Variants in ZNF879 observed in about 807,000 individuals in gnomAD.
The protein encoded by ZNF879 is zinc finger protein 879.
A neutral mutation model predicts 44.3 loss-of-function variants in ZNF879; 32 were observed. The observed-to-expected ratio is 0.72, with a 90% CI of 0.54 to 0.97. ZNF879 has a LOEUF of 0.97. ZNF879 is among the 50% of genes least tolerant of loss of function. ZNF879 has a pLI of 0.00. For synonymous variants in ZNF879, 234 were observed against 233.2 expected, an observed-to-expected ratio of 1.00 and a Z score of -0.03; for missense variants, 621 against 669.7, an observed-to-expected ratio of 0.93 and a Z score of 0.80.
rs1761476845 is a variant in ZNF879, at chr5:179,033,030, G to A, written c.1082G>A (p.Arg361Lys). ...TTCACTTCAATATCGCGGCTAAGTA[G>A]GCACCATCGAATTCATACTGGAGAG... ...KAFTSISRLS[R>K]HHRIHTGEKP... Residue 361 changes from arginine to lysine, a missense_variant, in exon 5 of 5, where the codon AGG (arginine) becomes AAG (lysine). Coordinates refer to ENST00000444149, the MANE Select transcript of ZNF879 (RefSeq NM_001136116.3). 6.4e-7 allele frequency: 1 copy of A among 1,557,504 alleles called. No individual in the cohort carries two copies. Among genetic ancestry groups the A allele is most frequent in the Non-Finnish European group, 8.7e-7 (1 of 1,150,712 alleles).
In ZNF879 at chr5:179,027,494, G is replaced by A; in HGVS notation, c.55G>A (p.Val19Met). The A allele has an allele frequency of 4.3e-6, 7 of 1,614,178 alleles. No individual in the cohort carries two copies. Among genetic ancestry groups the A allele is most frequent in the Non-Finnish European group, 5.9e-6 (7 of 1,180,028 alleles). ...HVQESVTFRD[V>M]AVFFSQDEWL... ...CCAGGAGTCCGTGACGTTCAGGGAT[G>A]TGGCCGTGTTCTTCAGCCAGGACGA... Residue 19 changes from valine to methionine, a missense_variant, in exon 3 of 5, where the codon GTG becomes ATG. Transcript: ENST00000444149.
intron 2 of ZNF879, 118 bp downstream of exon 2, chr5:179,025,155 T>C (rs1761228650): frequency 2.6e-6 from 3 of 1,133,600 alleles, no homozygotes; most frequent in Non-Finnish European, 3.8e-6. Context: ...GAGGGCTTGG[T>C]AGCTGAGAAA....
At chr5:179,026,156 C>G (rs998551810) in intron 2 of ZNF879, among the ~76,000 whole-genome samples, 6 of 151,150 alleles carry the variant, frequency 4.0e-5, no homozygotes, top group African/African-American at 1.5e-4. Context: ...CTTTGTGATT[C>G]TGTACAGGAT....
intron 4 of ZNF879, among the ~76,000 whole-genome samples, chr5:179,028,568 A>G (rs1170060229): frequency 6.6e-6 from 1 of 152,086 alleles, no homozygotes; most frequent in Non-Finnish European, 1.5e-5. Flanking sequence ...CATGGTTCAA[A>G]AGGGGGAAAA....
intron 4 of ZNF879, among the ~76,000 whole-genome samples, chr5:179,030,145 C>T (rs1018214643): frequency 1.3e-5 from 2 of 152,106 alleles, no homozygotes; most frequent in Non-Finnish European, 2.9e-5. Context: ...AATGAAATTC[C>T]AACGAAGCAC....
Position 179,033,323 on chromosome 5 carries a change from A to G in ZNF879, c.1375A>G (p.Lys459Glu), listed in dbSNP as rs1479428566. 7.0e-6 allele frequency: 11 copies of G among 1,572,104 alleles called. No homozygotes were observed. Among genetic ancestry groups the G allele is most frequent in the East Asian group, 4.7e-5 (2 of 42,140 alleles). ...CACTGGAGAGAAACCATATAATTGT[A>G]AGGAATGTGGAAAAGCCTTCAGTTC... ...IHTGEKPYNCKECGKAFSSHS... is the reference protein window; with the variant it reads ...IHTGEKPYNCEECGKAFSSHS... Residue 459 changes from lysine (K) to glutamate (E), a missense_variant, in exon 5 of 5, where the codon AAG becomes GAG. Coordinates refer to ENST00000444149, the MANE Select transcript of ZNF879 (RefSeq NM_001136116.3).
In ZNF879 at chr5:179,033,423, C is replaced by G. The variant is rs1385069390; in HGVS notation, c.1475C>G (p.Ala492Gly). The change falls in exon 5 of 5, where the codon GCC becomes GGC. Residue 492 changes from alanine (A) to glycine (G), a missense_variant. By Grantham distance (60) the Ala-to-Gly change is moderately conservative (BLOSUM62 0). Transcript: ENST00000444149. ...KPYKCNDCEK[A>G]FNQSSALIQH... ...TATAAATGTAATGACTGTGAGAAAG[C>G]CTTCAACCAAAGCTCAGCTCTAATT... 6.4e-7 allele frequency: 1 copy of G among 1,561,394 alleles called. No individual in the cohort carries two copies. The highest frequency in any genetic ancestry group is 8.7e-7 in the Non-Finnish European group (1 of 1,152,860).
chr5:179,034,117 TTAA>T lies in ZNF879; in HGVS notation c.*482_*484del, dbSNP rs1761517991. 3 of 152,914 alleles carry T rather than the reference TTAA, an allele frequency of 2.0e-5. No individual in the cohort carries two copies. In the South Asian group the frequency reaches 6.2e-4, roughly 31 times the overall value. The allele number at this position is 152,914 out of a possible 1,614,324, so 9.5% of individuals were successfully genotyped here. ...TACCTCACTGTCACTAAAATGTTTT[TTAA>T]TAATCTTAAAGCAGATTCTGCACTT... On this transcript the variant is annotated 3_prime_UTR_variant, in exon 5 of 5. Transcript: ENST00000444149.
chr5:179,025,048 G>A lies in ZNF879; in HGVS notation c.33+11G>A, dbSNP rs1263692003. ...CCAGCCCATGTACAGGTGAGTGAAG[G>A]CTTCTTTTTGCTTGAACTGCCTTCA... On this transcript the variant is annotated intron_variant, in intron 2 of 4. Transcript: ENST00000444149. 3 of 1,551,350 alleles carry A rather than the reference G, an allele frequency of 1.9e-6. No individual in the cohort carries two copies. In the Admixed American group the frequency reaches 5.9e-5, roughly 30 times the overall value.
In ZNF879 at chr5:179,032,655, A is replaced by G. The variant is rs1375522788; in HGVS notation, c.707A>G (p.Glu236Gly). ...GGAGAGAAGCTCTATAAATGTAAGG[A>G]ATGTAGGAAAGCCTTCAGCCAAAGC... ...HTGEKLYKCK[E>G]CRKAFSQSSS... The change falls in exon 5 of 5, where the codon GAA becomes GGA. Residue 236 changes from glutamate to glycine, a missense_variant. Transcript: ENST00000444149. 3 of 1,569,050 alleles carry G rather than the reference A, an allele frequency of 1.9e-6. No individual in the cohort carries two copies. In the East Asian group the frequency reaches 7.1e-5, roughly 37 times the overall value.
intron 4 of ZNF879, among the ~76,000 whole-genome samples, chr5:179,031,818 G>A (rs1051049731): frequency 6.6e-5 from 10 of 152,180 alleles, no homozygotes; most frequent in Admixed American, 3.9e-4. Flanking sequence ...TGTGTTTGGC[G>A]GAGCTCTTCT....
At chr5:179,028,465 A>G (rs1210638437) in intron 4 of ZNF879, among the ~76,000 whole-genome samples, 2 of 150,970 alleles carry the variant, frequency 1.3e-5, no homozygotes, top group Non-Finnish European at 1.5e-5. Flanking sequence ...TGAACATTAC[A>G]TTGTTTTTTT....
intron 3 of ZNF879, 143 bp from the exon 4 acceptor site, chr5:179,027,889 C>T: frequency 1.3e-6 from 1 of 766,228 alleles, no homozygotes; most frequent in Non-Finnish European, 2.1e-6. Flanking sequence ...GGGACCATCT[C>T]CTGGTTGTCC....
At chr5:179,028,794 C>T (rs548198752) in intron 4 of ZNF879, among the ~76,000 whole-genome samples, 1 of 152,270 alleles carries the variant, frequency 6.6e-6, no homozygotes, top group East Asian at 1.9e-4. Flanking sequence ...TATCAGCTTC[C>T]GCATTCATTC....
At chr5:179,026,609 A>C (rs762384231) in intron 2 of ZNF879, among the ~76,000 whole-genome samples, 1 of 152,216 alleles carries the variant, frequency 6.6e-6, no homozygotes, top group South Asian at 2.1e-4. Context: ...CAGCCTTCTG[A>C]ATAACCGGGA....
chr5:179,027,771 G>T (rs1761310624), intron 3 of ZNF879, among the ~76,000 whole-genome samples, 172 bp downstream of exon 3: 1 of 152,158 alleles, frequency 6.6e-6, no homozygotes. Context: ...TGATGAAGGG[G>T]TCTTTTCTCT....
Position 179,033,336 on chromosome 5 carries a change from A to G in ZNF879, c.1388A>G (p.Lys463Arg), listed in dbSNP as rs1561738281. 1.3e-6 allele frequency: 2 copies of G among 1,569,932 alleles called. No individual in the cohort carries two copies. The highest frequency in any genetic ancestry group is 1.2e-5 in the South Asian group (1 of 86,026). ...CCATATAATTGTAAGGAATGTGGAA[A>G]AGCCTTCAGTTCCCACTCAGGCGTT... ...EKPYNCKECG[K>R]AFSSHSGVNT... Residue 463 changes from lysine to arginine, a missense_variant, in exon 5 of 5, where the codon AAA becomes AGA. Transcript: ENST00000444149.
At chr5:179,027,403 C>T (rs1443711716) in intron 2 of ZNF879, 70 bp from the exon 3 acceptor site, 1 of 1,584,052 alleles carries the variant, frequency 6.3e-7, no homozygotes, top group African/African-American at 1.3e-5. Context: ...TAAGTTGTGA[C>T]AGGGTTGCTT....
At position 179,033,616 on chromosome 5, in the gene ZNF879, T is replaced by C; in HGVS notation, c.1668T>C (p.Thr556=). The C allele has an allele frequency of 6.6e-7, 1 of 1,525,838 alleles. No individual in the cohort carries two copies. The highest frequency in any genetic ancestry group is 8.8e-7 in the Non-Finnish European group (1 of 1,137,916). 94.5% of individuals were successfully genotyped at this position (1,525,838 alleles called of 1,614,324 possible). Residue 556 remains threonine, a synonymous_variant, in exon 5 of 5, where the codon ACT becomes ACC. Coordinates refer to ENST00000444149, the MANE Select transcript of ZNF879 (RefSeq NM_001136116.3). ...CTTTTAGTCAGAGCTCATCTCTTAC[T>C]AATCATCAAAGGACTCATAATTGAG... is the stretch of plus-strand genomic sequence containing the variant. The part of the protein sequence containing the change: ...GKAFSQSSSL[T]NHQRTHN
Sources: gnomAD v4.1 joint callset for allele counts (sites outside exome capture counted in the v4.1 genomes callset) on GRCh38, gnomAD v4.1.1 for gene constraint, MANE v1.5 for transcripts, NCBI Gene and HGNC (gene_info 2026-07-23, HGNC 2026-07-21) for gene names.